SRGAP3: variants seen among roughly 807,000 people sequenced by gnomAD.
The protein encoded by SRGAP3 is SLIT-ROBO Rho GTPase-activating protein 3.
A neutral mutation model predicts 121.1 loss-of-function variants in SRGAP3; 39 were observed. The ratio of observed to expected loss-of-function variants is 0.32; its 90% confidence interval spans 0.25 to 0.42. The LOEUF is 0.42. Ranked by LOEUF, SRGAP3 falls within the 10% of genes least tolerant of loss-of-function variation. SRGAP3 has a pLI of 1.00. For synonymous variants in SRGAP3, 601 were observed against 570.0 expected (o/e 1.05, Z -0.77); for missense variants, 1,213 against 1,470.6 (o/e 0.82, Z 2.86).
At chr3:9,193,558 A>C (rs1374961426) in intron 1 of SRGAP3, 2 of 152,204 alleles carry the variant, frequency 1.3e-5, no homozygotes, top group Non-Finnish European at 2.9e-5. Context: ...TGCTGGCGGG[A>C]GATGGGGATC....
At chr3:9,354,327 T>C (rs976962627) in intron 1 of SRGAP3, among the ~76,000 whole-genome samples, 1 of 152,058 alleles carries the variant, frequency 6.6e-6, no homozygotes, top group African/African-American at 2.4e-5. Context: ...AGGAAGAAGG[T>C]GGGCAAGGGA....
At chr3:9,136,473 G>C (rs868750061) in intron 1 of SRGAP3, among the ~76,000 whole-genome samples, 3 of 146,154 alleles carry the variant, frequency 2.1e-5, no homozygotes, top group Admixed American at 7.0e-5. Context: ...GGGCTCCTAA[G>C]CCATCTCTTC....
intron 10 of SRGAP3, among the ~76,000 whole-genome samples, chr3:9,039,163 C>A (rs372244926): frequency 6.6e-6 from 1 of 152,166 alleles, no homozygotes; most frequent in Non-Finnish European, 1.5e-5. Context: ...CTGACCTCTC[C>A]GCACCATGCT....
chr3:9,086,236 G>C (rs1018901048), intron 3 of SRGAP3, among the ~76,000 whole-genome samples: 3 of 151,982 alleles, frequency 2.0e-5, no homozygotes, highest in Non-Finnish European at 4.4e-5. Context: ...CATTAAATAT[G>C]TTTGCTTGGC....
intron 3 of SRGAP3, among the ~76,000 whole-genome samples, chr3:9,266,233 G>A (rs763293221): frequency 1.3e-4 from 20 of 152,146 alleles, no homozygotes; most frequent in Non-Finnish European, 2.8e-4. Context: ...GGCATGGGGG[G>A]CAAGGAAAGG....
chr3:8,992,189 CAT>C (rs1469478575), intron 20 of SRGAP3, among the ~76,000 whole-genome samples: 1 of 152,228 alleles, frequency 6.6e-6, no homozygotes, highest in Non-Finnish European at 1.5e-5. Flanking sequence ...GGGCTGACCA[CAT>C]GACCCCTCCA....
At chr3:9,014,771 T>G (rs916261362) in intron 15 of SRGAP3, 1 of 152,206 alleles carries the variant, frequency 6.6e-6, no homozygotes, top group Admixed American at 6.5e-5. Context: ...TGGGACACTT[T>G]CCTGGCTGCA....
chr3:9,345,224 C>T (rs187662296), intron 1 of SRGAP3, among the ~76,000 whole-genome samples: 7 of 152,318 alleles, frequency 4.6e-5, no homozygotes, highest in Admixed American at 2.6e-4. Context: ...GGCATGATGG[C>T]TCACACATGT....
chr3:9,187,027 T>C (rs796609141), intron 1 of SRGAP3, among the ~76,000 whole-genome samples: 25 of 152,240 alleles, frequency 1.6e-4, no homozygotes, highest in African/African-American at 5.8e-4. Context: ...GTTTGTTACA[T>C]AGGTATACAC....
At chr3:9,040,706 G>A (rs2174966) in intron 10 of SRGAP3, among the ~76,000 whole-genome samples, 50,201 of 151,910 alleles carry the variant, frequency 0.33, 8,447 homozygotes, top group East Asian at 0.5. Flanking sequence ...TGGGACCACA[G>A]GCACATACCA....
chr3:8,993,546 C>T (rs896700924), intron 19 of SRGAP3, among the ~76,000 whole-genome samples: 1 of 152,232 alleles, frequency 6.6e-6, no homozygotes, highest in Admixed American at 6.5e-5. Context: ...GGGTGCCCTG[C>T]CGGCCTCCTT....
chr3:9,064,647 C>T, intron 4 of SRGAP3, 66 bp from the exon 5 acceptor site: 1 of 1,587,240 alleles, frequency 6.3e-7, no homozygotes, highest in Non-Finnish European at 8.6e-7. Flanking sequence ...CCCTGTTACT[C>T]CTGGCTCCAT....
chr3:9,226,128 A>G (rs887831290), intron 1 of SRGAP3, among the ~76,000 whole-genome samples: 9 of 151,964 alleles, frequency 5.9e-5, no homozygotes, highest in African/African-American at 2.2e-4. Flanking sequence ...CCAACCCCCG[A>G]CCCCTATCTC....
At chr3:9,069,668 G>A (rs1197702890) in intron 4 of SRGAP3, among the ~76,000 whole-genome samples, 1 of 152,202 alleles carries the variant, frequency 6.6e-6, no homozygotes, top group African/African-American at 2.4e-5. Flanking sequence ...GCAAGAGCGG[G>A]CTGGGCGCGG....
chr3:9,162,565 C>A (rs1950634717), intron 1 of SRGAP3, among the ~76,000 whole-genome samples: 2 of 152,204 alleles, frequency 1.3e-5, no homozygotes, highest in South Asian at 4.1e-4. Flanking sequence ...TTGCAGGCCC[C>A]TGGGATTAAG....
At chr3:9,250,572 T>C (rs1953986449), upstream of SRGAP3, among the ~76,000 whole-genome samples, 1 of 152,172 alleles carries the variant, frequency 6.6e-6, no homozygotes, top group African/African-American at 2.4e-5. Flanking sequence ...ACATCGGGAA[T>C]GAGAGGAGCT....
intron 2 of SRGAP3, among the ~76,000 whole-genome samples, chr3:9,112,365 G>C (rs545284306): frequency 6.9e-4 from 105 of 152,280 alleles, no homozygotes; most frequent in African/African-American, 2.4e-3. Context: ...GCTGCCCCAA[G>C]CAGGATTCAG....
intron 3 of SRGAP3, among the ~76,000 whole-genome samples, chr3:9,266,771 C>A (rs1280696281): frequency 6.6e-6 from 1 of 152,158 alleles, no homozygotes; most frequent in Non-Finnish European, 1.5e-5. Flanking sequence ...AGGCAATACC[C>A]CCTGTGAGGA....
intron 3 of SRGAP3, among the ~76,000 whole-genome samples, chr3:9,269,551 C>T (rs1041321503): frequency 6.6e-6 from 1 of 152,222 alleles, no homozygotes; most frequent in Non-Finnish European, 1.5e-5. Flanking sequence ...TATTCACCTG[C>T]TATAAATGAG....
Sources: allele counts gnomAD v4.1 joint callset (sites outside exome capture counted in the v4.1 genomes callset), GRCh38; gene constraint gnomAD v4.1.1; transcripts MANE v1.5; gene names NCBI Gene and HGNC (gene_info 2026-07-23, HGNC 2026-07-21).